The following RGS6 variants were observed in gnomAD, a reference collection of about 807,000 sequenced individuals.
RGS6 encodes regulator of G-protein signaling 6.
A neutral mutation model predicts 78.5 loss-of-function variants in RGS6; 30 were observed. The observed-to-expected ratio is 0.38, with a 90% CI of 0.29 to 0.52. RGS6 has a LOEUF of 0.52. Ranked by LOEUF, RGS6 falls within the 20% of genes least tolerant of loss-of-function variation. The pLI is 0.85. For missense variants in RGS6, 495 were observed against 609.7 expected (o/e 0.81, Z 1.98); for synonymous variants, 206 against 206.0 (o/e 1.00, Z 0.00).
rs145728029 is a variant in RGS6 at position 72,120,763 on chromosome 14, A to G, written c.84+155888A>G. ...ACATGTAAAACGAATCTAGGGGGAA[A>G]GAAATTAGGAAGTGATGGCCTGGGT... On this transcript the variant is annotated intron_variant, in intron 2 of 17. Transcript: ENST00000553525. Among the ~76,000 whole-genome samples the G allele has an allele frequency of 7.6e-3, 1,151 of 152,274 alleles. 16 individuals carry two copies. The highest frequency in any genetic ancestry group is 0.026 in the African/African-American group (1,075 of 41,576).
chr14:72,617,070 T>C, the RGS6 span, among the ~76,000 whole-genome samples: 74 of 152,304 alleles, frequency 4.9e-4, 1 homozygote, highest in East Asian at 9.9e-3. Context: ...GTGCCCTGCC[T>C]TGGCCTGGGA....
chr14:71,933,875 G>A (rs1294537460), intron 1 of RGS6, among the ~76,000 whole-genome samples: 2 of 152,180 alleles, frequency 1.3e-5, no homozygotes, highest in Non-Finnish European at 1.5e-5. Context: ...GGAAGAACTG[G>A]GCTTGTAAGT....
chr14:72,245,025 A>G (rs941407580), intron 2 of RGS6, among the ~76,000 whole-genome samples: 1 of 152,178 alleles, frequency 6.6e-6, no homozygotes, highest in South Asian at 2.1e-4. Context: ...GGGTATCACC[A>G]TGTTGGCCAG....
chr14:72,001,055 G>A (rs1444474855), intron 2 of RGS6, among the ~76,000 whole-genome samples: 1 of 152,284 alleles, frequency 6.6e-6, no homozygotes, highest in South Asian at 2.1e-4. Context: ...TTCAGGATTC[G>A]GTTTTTGGTC....
intron 3 of RGS6, among the ~76,000 whole-genome samples, chr14:72,453,907 A>T (rs1465668124): frequency 6.6e-6 from 1 of 152,146 alleles, no homozygotes; most frequent in Admixed American, 6.5e-5. Flanking sequence ...GCCATGTAGG[A>T]GTTTTTATGG....
chr14:72,423,369 G>A (rs1216362574), intron 3 of RGS6, among the ~76,000 whole-genome samples: 2 of 152,140 alleles, frequency 1.3e-5, no homozygotes, highest in East Asian at 3.9e-4. Context: ...AAAAGCTGAT[G>A]TCTGGTCTCT....
intron 2 of RGS6, among the ~76,000 whole-genome samples, chr14:72,090,217 T>A (rs952368540): frequency 2.0e-5 from 3 of 152,050 alleles, no homozygotes; most frequent in African/African-American, 7.2e-5. Context: ...ATATGGGTCC[T>A]TGTTGGACAA....
intron 2 of RGS6, among the ~76,000 whole-genome samples, chr14:72,010,368 A>C (rs2085424904): frequency 6.6e-6 from 1 of 152,210 alleles, no homozygotes; most frequent in African/African-American, 2.4e-5. Flanking sequence ...AATAGACTTT[A>C]TAGAAAGATA....
intron 2 of RGS6, among the ~76,000 whole-genome samples, chr14:72,255,705 G>T (rs934956320): frequency 2.0e-5 from 3 of 152,098 alleles, no homozygotes; most frequent in Non-Finnish European, 2.9e-5. Context: ...GCTAAAAATT[G>T]CATACCTCTC....
chr14:71,998,026 G>A (rs900940190), intron 2 of RGS6, among the ~76,000 whole-genome samples: 2 of 152,178 alleles, frequency 1.3e-5, no homozygotes, highest in Non-Finnish European at 2.9e-5. Flanking sequence ...GCCTGACGAC[G>A]TGCTCAAGCT....
chr14:72,153,417 G>T (rs1027960968), intron 2 of RGS6, among the ~76,000 whole-genome samples: 17 of 152,164 alleles, frequency 1.1e-4, no homozygotes, highest in Admixed American at 6.5e-5. Context: ...TTTCACTGGG[G>T]ACCAGATTTG....
chr14:72,088,366 C>T (rs1228316140), intron 2 of RGS6, among the ~76,000 whole-genome samples: 1 of 152,176 alleles, frequency 6.6e-6, no homozygotes, highest in Non-Finnish European at 1.5e-5. Context: ...TGCAGGCTCT[C>T]TTGCCTTGCG....
intron 2 of RGS6, among the ~76,000 whole-genome samples, chr14:72,276,794 C>G (rs1158390097): frequency 6.6e-6 from 1 of 151,882 alleles, no homozygotes; most frequent in Non-Finnish European, 1.5e-5. Context: ...AATCAAAACT[C>G]TTTTTTCTTT....
chr14:72,619,181 AT>A, the RGS6 span: 1 of 1,046,290 alleles, frequency 9.6e-7, no homozygotes, highest in Admixed American at 2.4e-5. Context: ...CTCTGGGACT[AT>A]TTCTTTTCCT....
At chr14:71,934,780 A>C (rs1372872677) in intron 1 of RGS6, among the ~76,000 whole-genome samples, 1 of 152,176 alleles carries the variant, frequency 6.6e-6, no homozygotes. Flanking sequence ...ATTTTGTGTG[A>C]AAGTAGAATC....
chr14:72,133,438 T>G (rs969983059), intron 2 of RGS6, among the ~76,000 whole-genome samples: 3 of 152,186 alleles, frequency 2.0e-5, no homozygotes, highest in African/African-American at 4.8e-5. Context: ...ACTGAGACTT[T>G]AAGCAGGAAA....
At position 71,937,688 on chromosome 14, in the gene RGS6, G is replaced by A. The variant is rs143775420; in HGVS notation, c.-21+4747G>A. On this transcript the variant is annotated intron_variant, in intron 1 of 17. Coordinates refer to ENST00000553525, the MANE Select transcript of RGS6 (RefSeq NM_001204424.2). Reference sequence around the variant, plus strand: ...GCCTTGGTCAGAGACAATGCTGCATGGAATACCACGATGGTGGATAAGGCA... The same window carrying A: ...GCCTTGGTCAGAGACAATGCTGCATAGAATACCACGATGGTGGATAAGGCA... 2.6e-5 allele frequency among the ~76,000 whole-genome samples: 4 copies of A among 152,326 alleles called. No individual in the cohort carries two copies. The East Asian group carries it at 7.7e-4, about 29-fold the overall frequency.
At chr14:72,143,815 A>T (rs1334866311) in intron 2 of RGS6, among the ~76,000 whole-genome samples, 2 of 152,228 alleles carry the variant, frequency 1.3e-5, no homozygotes, top group Non-Finnish European at 2.9e-5. Flanking sequence ...ATTTTCTCTC[A>T]GCAATGTCTG....
At chr14:71,889,972 G>A in the RGS6 span, among the ~76,000 whole-genome samples, 1 of 152,144 alleles carries the variant, frequency 6.6e-6, no homozygotes, top group African/African-American at 2.4e-5. Context: ...GGCAAAAACT[G>A]TGATTACTTG....
Sources: allele counts gnomAD v4.1 joint callset (sites outside exome capture counted in the v4.1 genomes callset), GRCh38; gene constraint gnomAD v4.1.1; transcripts MANE v1.5; gene names NCBI Gene and HGNC (gene_info 2026-07-23, HGNC 2026-07-21).